PXDNL: variants seen among roughly 807,000 people sequenced by gnomAD.
PXDNL encodes peroxidasin like.
A neutral mutation model predicts 150.8 loss-of-function variants in PXDNL; 145 were observed. The observed-to-expected ratio is 0.96, with a 90% CI of 0.84 to 1.10. The LOEUF is 1.10. PXDNL is among the 50% of genes least tolerant of loss of function. PXDNL has a pLI of 0.00. For missense variants in PXDNL, 2,087 were observed against 1,873.9 expected (o/e 1.11, Z -2.10); for synonymous variants, 757 against 725.7 (o/e 1.04, Z -0.69).
At position 51,319,980 on chromosome 8, in the gene PXDNL, G is replaced by C. The variant is rs1441501450; in HGVS notation, c.4303C>G (p.Pro1435Ala). The C allele has an allele frequency of 1.3e-6, 2 of 1,573,284 alleles. No individual in the cohort carries two copies. The highest frequency in any genetic ancestry group is 2.7e-5 in the African/African-American group (2 of 73,178). ...TCVVEICPPAPCPSPELVKGT... is the reference protein window; with the variant it reads ...TCVVEICPPAACPSPELVKGT... ...TTCACCAATTCAGGACTGGGACAGG[G>C]AGCCGGGGGACAAATCTCCACCACA... is the stretch of plus-strand genomic sequence containing the variant. The change falls in exon 23 of 23, where the codon CCC (proline) becomes GCC (alanine). Residue 1435 changes from proline (P) to alanine (A), a missense_variant. Pro to Ala is a conservative substitution (Grantham distance 27, BLOSUM62 -1). Transcript: ENST00000356297.
At position 51,323,870 on chromosome 8, in the gene PXDNL, C is replaced by A. The variant is rs1000734377; in HGVS notation, c.4147-2973G>T. Among the ~76,000 whole-genome samples, 3 of 150,868 alleles carry A rather than the reference C, an allele frequency of 2.0e-5. No homozygotes were observed. In the East Asian group the frequency reaches 5.8e-4, roughly 29 times the overall value. On this transcript the variant is annotated intron_variant, in intron 21 of 22. Transcript: ENST00000356297. ...GGTAGAAGTTGCAGTGAGCCAAGAT[C>A]ATGCCATTGCACTCCAGCCTGGGTG... is the stretch of plus-strand genomic sequence containing the variant.
chr8:51,541,726 T>C (rs1812220891), intron 4 of PXDNL, among the ~76,000 whole-genome samples: 1 of 152,106 alleles, frequency 6.6e-6, no homozygotes, highest in African/African-American at 2.4e-5. Context: ...CCTGCTGGTC[T>C]CTGGTTGGGA....
chr8:51,747,739 A>G (rs1012597109), intron 1 of PXDNL, among the ~76,000 whole-genome samples: 16 of 152,220 alleles, frequency 1.1e-4, no homozygotes, highest in African/African-American at 3.9e-4. Flanking sequence ...TCTGTCTTTT[A>G]GCTAAATAGG....
chr8:51,510,352 T>A (rs1280356941), intron 4 of PXDNL, among the ~76,000 whole-genome samples: 1 of 152,080 alleles, frequency 6.6e-6, no homozygotes, highest in East Asian at 1.9e-4. Flanking sequence ...CAAACATGAG[T>A]TTCTGGAAAA....
At chr8:51,612,983 G>T (rs1320845043) in intron 2 of PXDNL, among the ~76,000 whole-genome samples, 1 of 152,116 alleles carries the variant, frequency 6.6e-6, no homozygotes, top group African/African-American at 2.4e-5. Flanking sequence ...TTTCCTGTCA[G>T]CACACAGGGC....
At chr8:51,639,782 G>A (rs1255953059) in intron 2 of PXDNL, among the ~76,000 whole-genome samples, 1 of 152,076 alleles carries the variant, frequency 6.6e-6, no homozygotes, top group Non-Finnish European at 1.5e-5. Flanking sequence ...GTACAAGGAG[G>A]AACTGGTACC....
chr8:51,483,886 A>C (rs1477482330), intron 5 of PXDNL, among the ~76,000 whole-genome samples, 172 bp from the exon 6 acceptor site: 1 of 152,222 alleles, frequency 6.6e-6, no homozygotes, highest in Non-Finnish European at 1.5e-5. Context: ...AAAGATTTAC[A>C]TATCTCTATC....
At chr8:51,391,232 T>C (rs1285133181) in intron 17 of PXDNL, among the ~76,000 whole-genome samples, 1 of 152,150 alleles carries the variant, frequency 6.6e-6, no homozygotes, top group East Asian at 1.9e-4. Flanking sequence ...AGCAGCATGA[T>C]TTATAGTCCT....
At chr8:51,570,627 T>C (rs1406651113) in intron 3 of PXDNL, among the ~76,000 whole-genome samples, 1 of 151,948 alleles carries the variant, frequency 6.6e-6, no homozygotes, top group Non-Finnish European at 1.5e-5. Context: ...AGCATTTTTA[T>C]TTTTAACAAT....
At chr8:51,599,606 TTA>T (rs1259826720) in intron 2 of PXDNL, among the ~76,000 whole-genome samples, 2 of 147,704 alleles carry the variant, frequency 1.4e-5, no homozygotes, top group Non-Finnish European at 3.0e-5. Context: ...ATATAATAAA[TTA>T]TATCTTATAT....
At chr8:51,597,800 C>T (rs1443846938) in intron 2 of PXDNL, among the ~76,000 whole-genome samples, 4 of 151,698 alleles carry the variant, frequency 2.6e-5, no homozygotes, top group Non-Finnish European at 5.9e-5. Context: ...CCGCAACCTC[C>T]GCCTCCTGGG....
intron 19 of PXDNL, among the ~76,000 whole-genome samples, chr8:51,349,751 C>A (rs1019611912): frequency 1.3e-5 from 2 of 152,170 alleles, no homozygotes; most frequent in African/African-American, 4.8e-5. Flanking sequence ...GTAGCTCAGG[C>A]AATCCTATGT....
At chr8:51,447,288 T>C (rs1413866632) in intron 11 of PXDNL, 126 bp from the exon 12 acceptor site, 1 of 900,860 alleles carries the variant, frequency 1.1e-6, no homozygotes, top group Non-Finnish European at 1.6e-6. Context: ...GTGTACTGTG[T>C]GCGTTGTGCC....
At position 51,371,983 on chromosome 8, in the gene PXDNL, A is replaced by G. The variant is rs757439241; in HGVS notation, c.3791T>C (p.Ile1264Thr). ...SRVLCDNGDS[I>T]QQVQADVFVK... ...AAAGACATCAGCCTGCACTTGCTGA[A>G]TGCTGTCACCATTGTCACAAAGCAC... The change falls in exon 19 of 23, where the codon ATT becomes ACT. Residue 1264 changes from isoleucine (I) to threonine (T), a missense_variant. Ile to Thr is a moderately conservative substitution (Grantham distance 89). Transcript: ENST00000356297. 4.3e-6 allele frequency: 7 copies of G among 1,613,814 alleles called. No individual in the cohort carries two copies. The highest frequency in any genetic ancestry group is 5.9e-6 in the Non-Finnish European group (7 of 1,179,810).
chr8:51,600,963 A>G (rs1342194558), intron 2 of PXDNL, among the ~76,000 whole-genome samples: 4 of 144,944 alleles, frequency 2.8e-5, no homozygotes, highest in Non-Finnish European at 4.5e-5. Context: ...TCTATAAATT[A>G]TATAATTTAT....
At chr8:51,629,821 A>G (rs1335852992) in intron 2 of PXDNL, among the ~76,000 whole-genome samples, 1 of 152,108 alleles carries the variant, frequency 6.6e-6, no homozygotes, top group African/African-American at 2.4e-5. Context: ...TATATCTAGC[A>G]AATGTATCCC....
intron 18 of PXDNL, among the ~76,000 whole-genome samples, chr8:51,374,296 G>A (rs542275749): frequency 5.9e-5 from 9 of 152,310 alleles, no homozygotes; most frequent in Admixed American, 5.2e-4. Context: ...TTAAACAGCT[G>A]TAAGTGGTGA....
chr8:51,489,269 GAA>G (rs1458761981), intron 5 of PXDNL, among the ~76,000 whole-genome samples: 16 of 152,092 alleles, frequency 1.1e-4, no homozygotes, highest in African/African-American at 3.9e-4. Flanking sequence ...TCCAATAATT[GAA>G]AAGTCTCATT....
At chr8:51,400,455 G>A (rs759657767) in intron 17 of PXDNL, among the ~76,000 whole-genome samples, 15 of 151,896 alleles carry the variant, frequency 9.9e-5, no homozygotes, top group African/African-American at 1.5e-4. Flanking sequence ...CTTCTAAAAC[G>A]CGTTACTAAG....
Sources: allele counts gnomAD v4.1 joint callset (sites outside exome capture counted in the v4.1 genomes callset), GRCh38; gene constraint gnomAD v4.1.1; transcripts MANE v1.5; gene names NCBI Gene and HGNC (gene_info 2026-07-23, HGNC 2026-07-21).